CAPN13: variants seen among roughly 807,000 people sequenced by gnomAD.
CAPN13 encodes calpain-13.
Under a neutral mutation model 98.4 loss-of-function variants are expected in CAPN13, and 90 were observed. The ratio of observed to expected loss-of-function variants is 0.92; its 90% confidence interval spans 0.77 to 1.09. The LOEUF (loss-of-function observed/expected upper bound fraction) is 1.09, where lower values mean the gene tolerates loss of function less well. Ranked by LOEUF, CAPN13 falls within the 50% of genes least tolerant of loss-of-function variation. The pLI is 0.00. For synonymous variants in CAPN13, 330 were observed against 305.5 expected, an observed-to-expected ratio of 1.08 and a Z score of -0.84; for missense variants, 887 against 841.3, an observed-to-expected ratio of 1.05 and a Z score of -0.67.
chr2:30,741,935 T>C lies in CAPN13; in HGVS notation c.1509A>G (p.Gln503=). The change falls in exon 15 of 23, where the codon CAA becomes CAG. Residue 503 remains glutamine, a synonymous_variant. Transcript: ENST00000295055. ...GCTGAGCATATCTGTTGAAAATGCTTTGTTGGGAGCCATGTTCTGAAGGGC... is the reference window on the plus strand; with the variant it reads ...GCTGAGCATATCTGTTGAAAATGCTCTGTTGGGAGCCATGTTCTGAAGGGC... ...KGSPSEHGSQ[Q]SIFNRYAQQR... The C allele has an allele frequency of 6.2e-7, 1 of 1,613,960 alleles. No individual in the cohort carries two copies. The highest frequency in any genetic ancestry group is 8.5e-7 in the Non-Finnish European group (1 of 1,179,852).
chr2:30,741,698 C>T (rs1671665530), intron 15 of CAPN13: 1 of 1,412,582 alleles, frequency 7.1e-7, no homozygotes, highest in Admixed American at 2.8e-5. Context: ...AGCTTGAAGT[C>T]CCCCGGATGA....
chr2:30,799,129 AAAG>A (rs1330723830), intron 1 of CAPN13, among the ~76,000 whole-genome samples: 1 of 151,992 alleles, frequency 6.6e-6, no homozygotes, highest in African/African-American at 2.4e-5. Flanking sequence ...GAAGAGAGCA[AAAG>A]AAGGGGGTAA....
chr2:30,751,252 C>T lies in CAPN13; in HGVS notation c.1088-1G>A, dbSNP rs1389005899. 1 of 1,613,726 alleles carries T rather than the reference C, an allele frequency of 6.2e-7. No homozygotes were observed. On this transcript the variant is annotated splice_acceptor_variant, in intron 10 of 22. Coordinates refer to ENST00000295055, the MANE Select transcript of CAPN13 (RefSeq NM_144575.3). LOFTEE classifies it high-confidence loss of function. ...AATTGAGCATCATTCCGAGGTCCTC[C>T]TGCATCAGAAAGAGCTGTTACTAGA...
intron 1 of CAPN13, among the ~76,000 whole-genome samples, chr2:30,800,555 C>T (rs944848803): frequency 1.2e-4 from 18 of 152,202 alleles, no homozygotes; most frequent in African/African-American, 4.3e-4. Context: ...GCTCCCTCCC[C>T]TAGCCTCGGT....
At chr2:30,796,215 CAT>C (rs1368929376) in intron 1 of CAPN13, among the ~76,000 whole-genome samples, 7 of 95,990 alleles carry the variant, frequency 7.3e-5, no homozygotes, top group African/African-American at 2.8e-4. Context: ...TATATATACA[CAT>C]ATATATGTAT....
chr2:30,775,143 A>G (rs1191390191), intron 4 of CAPN13, among the ~76,000 whole-genome samples: 1 of 152,240 alleles, frequency 6.6e-6, no homozygotes, highest in Non-Finnish European at 1.5e-5. Context: ...AAGAACTAAT[A>G]AAAGAATTTG....
intron 2 of CAPN13, 86 bp from the exon 3 acceptor site, chr2:30,777,725 C>T (rs1023247592): frequency 7.0e-6 from 8 of 1,142,960 alleles, no homozygotes; most frequent in African/African-American, 4.6e-5. Context: ...TTTCAAGGGT[C>T]GAGGTTAATT....
At chr2:30,742,064 G>C in intron 14 of CAPN13, 100 bp from the exon 15 acceptor site, 1 of 1,164,026 alleles carries the variant, frequency 8.6e-7, no homozygotes, top group Non-Finnish European at 1.3e-6. Flanking sequence ...ATCTGAGAAA[G>C]AGTCTTTATT....
At chr2:30,762,550 G>A (rs1222977995) in intron 7 of CAPN13, among the ~76,000 whole-genome samples, 1 of 152,154 alleles carries the variant, frequency 6.6e-6, no homozygotes, top group Admixed American at 6.5e-5. Flanking sequence ...TCCCCTGGCT[G>A]GGAGATGAGG....
chr2:30,743,911 T>C lies in CAPN13; in HGVS notation c.1249-332A>G, dbSNP rs1427953222. 5.3e-5 allele frequency among the ~76,000 whole-genome samples: 8 copies of C among 152,270 alleles called. No individual in the cohort carries two copies. The South Asian group carries it at 6.2e-4, about 12-fold the overall frequency. On this transcript the variant is annotated intron_variant, in intron 12 of 22. Transcript: ENST00000295055. ...GAAACTAGTGACATCATTTTGACAC[T>C]GATTTTCTTCTGGGGCCCCTAAAGC...
intron 21 of CAPN13, among the ~76,000 whole-genome samples, 161 bp downstream of exon 21, chr2:30,731,183 C>A (rs1245660517): frequency 2.6e-5 from 4 of 152,172 alleles, no homozygotes; most frequent in African/African-American, 4.8e-5. Context: ...AGCAGCCTGG[C>A]GGCCAGCGAT....
intron 2 of CAPN13, among the ~76,000 whole-genome samples, chr2:30,786,745 T>C (rs1240974814): frequency 2.6e-5 from 4 of 152,142 alleles, no homozygotes; most frequent in Non-Finnish European, 4.4e-5. Flanking sequence ...GAAAAAAGAA[T>C]ATAAAGATAC....
At chr2:30,788,599 C>A (rs1335274447) in intron 1 of CAPN13, among the ~76,000 whole-genome samples, 1 of 152,102 alleles carries the variant, frequency 6.6e-6, no homozygotes, top group African/African-American at 2.4e-5. Context: ...CTGTGTTGCA[C>A]CCATTTCCAC....
At chr2:30,745,649 G>A (rs945448880) in intron 12 of CAPN13, 74 bp downstream of exon 12, 1 of 1,491,794 alleles carries the variant, frequency 6.7e-7, no homozygotes, top group African/African-American at 1.4e-5. Context: ...GAGGCCATGG[G>A]CGTTGGAAGT....
At chr2:30,738,843 GA>G (rs1329247869) in intron 15 of CAPN13, among the ~76,000 whole-genome samples, 1 of 151,042 alleles carries the variant, frequency 6.6e-6, no homozygotes, top group East Asian at 1.9e-4. Flanking sequence ...AAGAGACTAG[GA>G]AAAACTATGA....
intron 9 of CAPN13, among the ~76,000 whole-genome samples, 173 bp from the exon 10 acceptor site, chr2:30,753,371 G>A (rs1672277759): frequency 6.6e-6 from 1 of 152,174 alleles, no homozygotes; most frequent in Non-Finnish European, 1.5e-5. Flanking sequence ...CAGTGGCTGG[G>A]AGGGCAAGGC....
At chr2:30,736,213 A>T (rs1369117969) in intron 18 of CAPN13, among the ~76,000 whole-genome samples, 1 of 57,444 alleles carries the variant, frequency 1.7e-5, no homozygotes, top group African/African-American at 7.0e-5. Flanking sequence ...GTTGCAGTGG[A>T]TGCAGGGGCG....
At chr2:30,787,006 T>C (rs148067563) in intron 2 of CAPN13, 122 bp downstream of exon 2, 29,196 of 727,040 alleles carry the variant, frequency 0.04, 761 homozygotes, top group Middle Eastern at 0.069. Flanking sequence ...GTAGCAGAGA[T>C]ACCTGGTGAA....
chr2:30,800,089 G>A (rs1479860169), intron 1 of CAPN13, among the ~76,000 whole-genome samples: 1 of 128,720 alleles, frequency 7.8e-6, no homozygotes, highest in African/African-American at 3.0e-5. Flanking sequence ...AAGAAAGAAA[G>A]AAAGAAAAGA....
Sources: allele counts gnomAD v4.1 joint callset (sites outside exome capture counted in the v4.1 genomes callset), GRCh38; gene constraint gnomAD v4.1.1; transcripts MANE v1.5; gene names NCBI Gene and HGNC (gene_info 2026-07-23, HGNC 2026-07-21).